The following DIAPH3 variants were observed in gnomAD, a reference collection of about 807,000 sequenced individuals.
The protein encoded by DIAPH3 is diaphanous related formin 3.
A neutral mutation model predicts 144.3 loss-of-function variants in DIAPH3; 117 were observed. The ratio of observed to expected loss-of-function variants is 0.81; its 90% CI spans 0.70 to 0.95. The LOEUF (loss-of-function observed/expected upper bound fraction) is 0.95, where lower values mean the gene tolerates loss of function less well. Among genes scored for constraint, DIAPH3 ranks in the 40% least tolerant of loss-of-function variants. The pLI is 0.00. For missense variants in DIAPH3, 1,421 were observed against 1,412.7 expected (o/e 1.01, Z -0.09); for synonymous variants, 519 against 488.9 (o/e 1.06, Z -0.81).
intron 20 of DIAPH3, among the ~76,000 whole-genome samples, chr13:59,889,135 A>T (rs1002454830): frequency 2.6e-5 from 4 of 151,710 alleles, no homozygotes; most frequent in African/African-American, 9.7e-5. Flanking sequence ...AGCCTCTTAA[A>T]CCCTAAGTTT....
intron 2 of DIAPH3, among the ~76,000 whole-genome samples, chr13:60,117,192 G>A (rs1288036280): frequency 6.6e-6 from 1 of 151,708 alleles, no homozygotes; most frequent in Non-Finnish European, 1.5e-5. Flanking sequence ...TAAAACTCTG[G>A]GGAAAAGATA....
intron 12 of DIAPH3, among the ~76,000 whole-genome samples, chr13:59,990,502 T>C (rs1015791801): frequency 2.0e-5 from 3 of 151,818 alleles, no homozygotes; most frequent in African/African-American, 7.3e-5. Context: ...AAATGGAAAG[T>C]AGATATAGAG....
At chr13:60,070,857 C>T (rs1223235988) in intron 4 of DIAPH3, among the ~76,000 whole-genome samples, 1 of 152,104 alleles carries the variant, frequency 6.6e-6, no homozygotes, top group Admixed American at 6.5e-5. Context: ...CATGTTTATA[C>T]AAAGAACATA....
chr13:60,062,508 TA>T, intron 4 of DIAPH3, among the ~76,000 whole-genome samples: 1 of 152,152 alleles, frequency 6.6e-6, no homozygotes, highest in Non-Finnish European at 1.5e-5. Context: ...TTTAAACCTT[TA>T]CATTCTGACA....
intron 27 of DIAPH3, among the ~76,000 whole-genome samples, chr13:59,738,884 T>G (rs1254262285): frequency 6.6e-6 from 1 of 152,224 alleles, no homozygotes; most frequent in Admixed American, 6.5e-5. Context: ...ATATTTTCCC[T>G]AACACATCAT....
intron 25 of DIAPH3, among the ~76,000 whole-genome samples, chr13:59,806,836 T>C (rs2040223050): frequency 6.6e-6 from 1 of 151,896 alleles, no homozygotes; most frequent in Non-Finnish European, 1.5e-5. Context: ...TACAATGTCT[T>C]TATTGAAGAT....
intron 21 of DIAPH3, among the ~76,000 whole-genome samples, chr13:59,877,704 T>G (rs2044721059): frequency 6.6e-6 from 1 of 151,900 alleles, no homozygotes. Context: ...CCATAAAATC[T>G]CCATCATTAG....
At chr13:59,855,076 G>C (rs2043186340) in intron 22 of DIAPH3, among the ~76,000 whole-genome samples, 1 of 151,940 alleles carries the variant, frequency 6.6e-6, no homozygotes, top group Non-Finnish European at 1.5e-5. Flanking sequence ...GTGATTTTTG[G>C]GACATTCTCT....
intron 5 of DIAPH3, among the ~76,000 whole-genome samples, chr13:60,038,859 G>A (rs1594461424): frequency 9.0e-6 from 1 of 111,466 alleles, no homozygotes; most frequent in African/African-American, 3.7e-5. Flanking sequence ...GCATAGATGA[G>A]TATGATCTAT....
chr13:59,961,202 A>T (rs1260723297), intron 17 of DIAPH3, among the ~76,000 whole-genome samples: 5 of 152,226 alleles, frequency 3.3e-5, no homozygotes, highest in African/African-American at 1.2e-4. Context: ...TACAAGTTGA[A>T]ATGAGTTCTG....
At chr13:59,961,525 A>T (rs948253291) in intron 17 of DIAPH3, among the ~76,000 whole-genome samples, 8 of 152,332 alleles carry the variant, frequency 5.3e-5, no homozygotes, top group Non-Finnish European at 1.2e-4. Flanking sequence ...AAAAAATGGC[A>T]AGTTTTTAAA....
Position 59,840,674 on chromosome 13 carries a change from C to G in DIAPH3, c.2738-1226G>C, listed in dbSNP as rs55715192. On this transcript the variant is annotated intron_variant, in intron 22 of 27. Coordinates refer to ENST00000400324, the MANE Select transcript of DIAPH3 (RefSeq NM_001042517.2). Reference sequence around the variant, plus strand: ...TTAGCAATCTAATTCTCAGATGCAACGTTTAAGGAGTCCAATGATTGAACT... The same window carrying G: ...TTAGCAATCTAATTCTCAGATGCAAGGTTTAAGGAGTCCAATGATTGAACT... Among the ~76,000 whole-genome samples, 893 of 151,804 alleles carry G rather than the reference C, an allele frequency of 5.9e-3. 5 individuals are homozygous for G. The highest frequency in any genetic ancestry group is 8.5e-3 in the Non-Finnish European group (578 of 67,824).
chr13:59,824,591 T>C (rs2041267368), intron 24 of DIAPH3, among the ~76,000 whole-genome samples: 1 of 152,278 alleles, frequency 6.6e-6, no homozygotes, highest in Admixed American at 6.5e-5. Flanking sequence ...TTGAGGGTCA[T>C]CACAGGCAAT....
At chr13:59,736,165 C>T (rs1216480499) in intron 27 of DIAPH3, among the ~76,000 whole-genome samples, 1 of 152,086 alleles carries the variant, frequency 6.6e-6, no homozygotes, top group Non-Finnish European at 1.5e-5. Context: ...TGTACATGTA[C>T]CACATTTTGT....
intron 27 of DIAPH3, among the ~76,000 whole-genome samples, chr13:59,727,735 T>C (rs979369720): frequency 2.0e-5 from 3 of 152,154 alleles, no homozygotes; most frequent in South Asian, 2.1e-4. Context: ...TAAACCATCA[T>C]GAACTTGTGA....
Position 60,053,786 on chromosome 13 carries a change from T to C in DIAPH3, c.496-10966A>G, listed in dbSNP as rs529756536. 5.9e-5 allele frequency among the ~76,000 whole-genome samples: 9 copies of C among 152,222 alleles called. No homozygotes were observed. In the South Asian group the frequency reaches 1.7e-3, roughly 28 times the overall value. ...CCAGTTGATTTTTGAAATAACTGAA[T>C]GGTTTTTATACAACCATAAAGAATC... On this transcript the variant is annotated intron_variant, in intron 4 of 27. Coordinates refer to ENST00000400324, the MANE Select transcript of DIAPH3 (RefSeq NM_001042517.2).
chr13:60,047,567 G>T (rs961260874), intron 4 of DIAPH3, among the ~76,000 whole-genome samples: 8 of 152,068 alleles, frequency 5.3e-5, no homozygotes, highest in African/African-American at 1.7e-4. Context: ...TCAATGGGGG[G>T]AAGAAGAATC....
chr13:59,953,879 G>A (rs1241412020), intron 17 of DIAPH3, among the ~76,000 whole-genome samples: 2 of 152,162 alleles, frequency 1.3e-5, no homozygotes, highest in African/African-American at 4.8e-5. Flanking sequence ...AATATGAATA[G>A]AAAGAGCAAT....
At chr13:60,126,353 T>C (rs2058988676) in intron 2 of DIAPH3, among the ~76,000 whole-genome samples, 1 of 152,122 alleles carries the variant, frequency 6.6e-6, no homozygotes, top group Non-Finnish European at 1.5e-5. Context: ...TCCAATAAAT[T>C]TCCAAGAACT....
Sources: gnomAD v4.1 joint callset for allele counts (sites outside exome capture counted in the v4.1 genomes callset) on GRCh38, gnomAD v4.1.1 for gene constraint, MANE v1.5 for transcripts, NCBI Gene and HGNC (gene_info 2026-07-23, HGNC 2026-07-21) for gene names.